ZNF385D: variants seen among roughly 807,000 people sequenced by gnomAD.
ZNF385D encodes zinc finger protein 385D.
ZNF385D carries 15 observed loss-of-function variants against 35.8 expected under a neutral mutation model. The ratio of observed to expected loss-of-function variants is 0.42; its 90% CI spans 0.28 to 0.64. The LOEUF (loss-of-function observed/expected upper bound fraction) is 0.64. Ranked by LOEUF, ZNF385D falls within the 30% of genes least tolerant of loss-of-function variation. The probability of loss-of-function intolerance (pLI) is 0.23; values close to 1 mark genes in which losing one functional copy is unlikely to be tolerated. For missense variants in ZNF385D, 474 were observed against 494.6 expected, an observed-to-expected ratio of 0.96 and a Z score of 0.39; for synonymous variants, 212 against 186.8, an observed-to-expected ratio of 1.13 and a Z score of -1.10.
intron 3 of ZNF385D, among the ~76,000 whole-genome samples, chr3:21,527,376 A>C (rs1037528402): frequency 2.4e-4 from 37 of 152,312 alleles, no homozygotes; most frequent in African/African-American, 8.9e-4. Flanking sequence ...AGCTATAAAC[A>C]TGAAGGTGCA....
chr3:21,429,223 C>T (rs1294384393), intron 5 of ZNF385D, among the ~76,000 whole-genome samples: 1 of 150,988 alleles, frequency 6.6e-6, no homozygotes, highest in Non-Finnish European at 1.5e-5. Context: ...AGGAAAAAAC[C>T]CCCTAATTTC....
chr3:22,061,548 A>G (rs1004574095), intron 3 of ZNF385D, among the ~76,000 whole-genome samples: 3 of 152,156 alleles, frequency 2.0e-5, no homozygotes, highest in African/African-American at 7.2e-5. Context: ...CAATAACTCC[A>G]AAGTCTTCAA....
chr3:21,798,325 G>A (rs1447818757), intron 3 of ZNF385D, among the ~76,000 whole-genome samples: 1 of 152,160 alleles, frequency 6.6e-6, no homozygotes, highest in Non-Finnish European at 1.5e-5. Context: ...GGAGGCTCAG[G>A]ACCCTTTTCG....
At chr3:22,104,132 A>C (rs1014366249) in intron 3 of ZNF385D, among the ~76,000 whole-genome samples, 1 of 152,104 alleles carries the variant, frequency 6.6e-6, no homozygotes, top group Non-Finnish European at 1.5e-5. Flanking sequence ...AGTTGGAGAC[A>C]AATTGGTCCA....
intron 3 of ZNF385D, among the ~76,000 whole-genome samples, chr3:21,971,455 A>G (rs1314920474): frequency 2.1e-5 from 3 of 141,850 alleles, no homozygotes; most frequent in African/African-American, 7.4e-5. Context: ...TTTCATGGTA[A>G]TCTCAAATCA....
chr3:21,989,027 G>T (rs969381955), intron 3 of ZNF385D, among the ~76,000 whole-genome samples: 1 of 152,016 alleles, frequency 6.6e-6, no homozygotes, highest in Non-Finnish European at 1.5e-5. Flanking sequence ...CACGGTGCGC[G>T]CACCCACTGG....
At chr3:21,545,685 T>C (rs970084657) in intron 3 of ZNF385D, among the ~76,000 whole-genome samples, 3 of 152,114 alleles carry the variant, frequency 2.0e-5, no homozygotes, top group Admixed American at 2.0e-4. Flanking sequence ...ACTGGAAGGG[T>C]ATGCTTCCCT....
At chr3:22,023,777 A>C (rs1005736831) in intron 3 of ZNF385D, among the ~76,000 whole-genome samples, 1 of 152,052 alleles carries the variant, frequency 6.6e-6, no homozygotes, top group Non-Finnish European at 1.5e-5. Flanking sequence ...TAAAAGGTGC[A>C]CTTTATTATA....
chr3:22,137,720 A>G (rs898605582), intron 3 of ZNF385D, among the ~76,000 whole-genome samples: 41 of 152,188 alleles, frequency 2.7e-4, no homozygotes, highest in Non-Finnish European at 4.6e-4. Flanking sequence ...ATCATACTGA[A>G]TGGACAAAAA....
chr3:21,704,596 C>T (rs1470143990), intron 1 of ZNF385D, among the ~76,000 whole-genome samples: 2 of 150,510 alleles, frequency 1.3e-5, no homozygotes, highest in African/African-American at 4.9e-5. Context: ...GCAGCATCTG[C>T]CTTCCGGGTT....
At chr3:21,761,874 T>C (rs1304353040) in intron 3 of ZNF385D, among the ~76,000 whole-genome samples, 6 of 56,170 alleles carry the variant, frequency 1.1e-4, no homozygotes, top group Middle Eastern at 6.2e-3. Context: ...TCTTCCTTTT[T>C]TTTTTTTTTT....
intron 3 of ZNF385D, among the ~76,000 whole-genome samples, chr3:21,985,311 G>A (rs1293955726): frequency 1.0e-5 from 1 of 100,198 alleles, no homozygotes; most frequent in East Asian, 2.4e-4. Flanking sequence ...GTTTGTCATA[G>A]ATAGCTCTTA....
chr3:21,488,093 G>A (rs1254383647), intron 4 of ZNF385D, among the ~76,000 whole-genome samples: 1 of 151,976 alleles, frequency 6.6e-6, no homozygotes, highest in South Asian at 2.1e-4. Flanking sequence ...TTTCCTGGTT[G>A]AATAGTCCCT....
intron 2 of ZNF385D, among the ~76,000 whole-genome samples, chr3:21,578,718 C>CTGTT (rs960794180): frequency 2.0e-4 from 30 of 152,094 alleles, no homozygotes; most frequent in African/African-American, 6.0e-4. Context: ...CAGAACCATG[C>CTGTT]TGTTTGGGTT....
rs149132388 is a variant in ZNF385D, at chr3:21,950,466, C to T, written c.325+218351G>A. Among the ~76,000 whole-genome samples the T allele has an allele frequency of 5.4e-3, 814 of 151,774 alleles. 11 individuals are homozygous for T. Among genetic ancestry groups the T allele is most frequent in the African/African-American group, 7.7e-3 (318 of 41,138 alleles). ...CTGGATATTAGCCCTTTGTCAGAGG[C>T]ACAGATTGCAAAAATCTTCTCCCAT... is the stretch of plus-strand genomic sequence containing the variant. On this transcript the variant is annotated intron_variant, in intron 3 of 5. Coordinates refer to the ZNF385D transcript ENST00000494108.
At chr3:22,189,549 A>G (rs563239981) in intron 2 of ZNF385D, among the ~76,000 whole-genome samples, 21 of 152,304 alleles carry the variant, frequency 1.4e-4, no homozygotes, top group Non-Finnish European at 2.8e-4. Flanking sequence ...AACCCGAAAG[A>G]GAAGAAAAAA....
chr3:21,987,948 C>T (rs1242658441), intron 3 of ZNF385D, among the ~76,000 whole-genome samples: 1 of 146,954 alleles, frequency 6.8e-6, no homozygotes, highest in African/African-American at 2.5e-5. Flanking sequence ...CCCTTTCTTC[C>T]AGTTGATTGC....
At chr3:22,036,281 A>T (rs921352947) in intron 3 of ZNF385D, among the ~76,000 whole-genome samples, 1 of 152,214 alleles carries the variant, frequency 6.6e-6, no homozygotes, top group Non-Finnish European at 1.5e-5. Context: ...CCCAAAGCAG[A>T]TCACAGTTAA....
intron 3 of ZNF385D, among the ~76,000 whole-genome samples, chr3:21,973,560 A>T (rs563624778): frequency 3.3e-5 from 5 of 151,976 alleles, no homozygotes; most frequent in Non-Finnish European, 7.4e-5. Flanking sequence ...TACTGGAAGT[A>T]CTAGCTAGAC....
Sources: allele counts gnomAD v4.1 joint callset (sites outside exome capture counted in the v4.1 genomes callset), GRCh38; gene constraint gnomAD v4.1.1; transcripts MANE v1.5; gene names NCBI Gene and HGNC (gene_info 2026-07-23, HGNC 2026-07-21).